The following STOX2 variants were observed in gnomAD, a reference collection of about 807,000 sequenced individuals.
STOX2 encodes storkhead-box protein 2.
Under a neutral mutation model 60.9 loss-of-function variants are expected in STOX2, and 28 were observed. That is an observed-to-expected ratio of 0.46 (90% confidence interval 0.34 to 0.63). STOX2 has a LOEUF of 0.63. Among genes scored for constraint, STOX2 ranks in the 30% least tolerant of loss-of-function variants. The probability of loss-of-function intolerance (pLI) is 0.01; values close to 1 mark genes in which losing one functional copy is unlikely to be tolerated. For synonymous variants in STOX2, 472 were observed against 463.9 expected, an observed-to-expected ratio of 1.02 and a Z score of -0.22; for missense variants, 1,024 against 1,187.7, an observed-to-expected ratio of 0.86 and a Z score of 2.03.
intron 2 of STOX2, among the ~76,000 whole-genome samples, chr4:184,003,685 C>T (rs916784030): frequency 6.6e-5 from 10 of 152,212 alleles, no homozygotes; most frequent in African/African-American, 2.2e-4. Flanking sequence ...TCTTTGGCTC[C>T]TTATGCGATA....
chr4:184,010,395 C>A lies in STOX2; in HGVS notation c.1557C>A (p.Asp519Glu). ...ACCTTGCTGAAGGCTGCAGCCAAGA[C>A]GACCAGACCCCCAGCCAATCCTACA... is the stretch of plus-strand genomic sequence containing the variant. ...PEDLAEGCSQ[D>E]DQTPSQSYID... The change falls in exon 3 of 4, where the codon GAC becomes GAA. Residue 519 changes from aspartate to glutamate, a missense_variant. Physicochemically the swap from Asp to Glu is conservative, Grantham distance 45. Around this residue, in one of 3 missense-constraint regions of STOX2, gnomAD observed 922 missense variants for 1,058.3 expected, o/e 0.87. Coordinates refer to ENST00000308497, the MANE Select transcript of STOX2 (RefSeq NM_020225.3). This position sits in a 1 kb window ranked among gnomAD's most constrained non-coding sequence, Gnocchi z 4.5. 1 of 1,613,488 alleles carries A rather than the reference C, an allele frequency of 6.2e-7. No homozygotes were observed. Among genetic ancestry groups the A allele is most frequent in the Non-Finnish European group, 8.5e-7 (1 of 1,179,710 alleles).
chr4:183,895,108 A>G (rs577364151), intron 1 of STOX2, among the ~76,000 whole-genome samples: 1 of 152,334 alleles, frequency 6.6e-6, no homozygotes, highest in South Asian at 2.1e-4. Flanking sequence ...TAGGATGTCA[A>G]GAATGGAATG....
rs2111101617 is a variant in STOX2 at position 183,921,174 on chromosome 4, AT to A, written c.166+14219del. 2.0e-5 allele frequency among the ~76,000 whole-genome samples: 3 copies of A among 152,356 alleles called. No homozygotes were observed. The South Asian group carries it at 6.2e-4, about 32-fold the overall frequency. On this transcript the variant is annotated intron_variant, in intron 1 of 3. Transcript: ENST00000308497. ...AGGATAGCAGTAGGCTAGGATCCAAATAATTGAACAATTTGACAGTACCTGG... is the reference window on the plus strand; with the variant it reads ...AGGATAGCAGTAGGCTAGGATCCAAAAATTGAACAATTTGACAGTACCTGG...
intron 3 of STOX2, chr4:184,014,721 GA>G: frequency 6.6e-6 from 1 of 152,062 alleles, no homozygotes; most frequent in Non-Finnish European, 1.5e-5. Context: ...CAACAATAAT[GA>G]AATACATTCT....
In STOX2 at chr4:184,017,436, A is replaced by G; in HGVS notation, c.*152A>G. 3 of 687,172 alleles carry G rather than the reference A, an allele frequency of 4.4e-6. No individual in the cohort carries two copies. The highest frequency in any genetic ancestry group is 3.3e-5 in the Admixed American group (1 of 29,956). 42.6% of individuals were successfully genotyped at this position (687,172 alleles called of 1,614,324 possible). On this transcript the variant is annotated 3_prime_UTR_variant, in exon 4 of 4. Coordinates refer to ENST00000308497, the MANE Select transcript of STOX2 (RefSeq NM_020225.3). ...TGCTAAGTAGGGCTAGGGCAAAAAA[A>G]CAAAAAATCTTTATTTCAGAGTATT...
chr4:183,878,525 G>A (rs575802197), intron 1 of STOX2, among the ~76,000 whole-genome samples: 114 of 152,262 alleles, frequency 7.5e-4, no homozygotes, highest in Middle Eastern at 3.4e-3. Context: ...TTTGGAATTA[G>A]AATTACAGAC....
intron 1 of STOX2, among the ~76,000 whole-genome samples, chr4:183,952,390 G>T (rs1202768608): frequency 6.6e-6 from 1 of 152,158 alleles, no homozygotes; most frequent in African/African-American, 2.4e-5. Flanking sequence ...TGAATTATTT[G>T]AACTCAACTA....
At chr4:183,902,292 C>T (rs1475295968), upstream of STOX2, among the ~76,000 whole-genome samples, 4 of 152,146 alleles carry the variant, frequency 2.6e-5, no homozygotes, top group Non-Finnish European at 2.9e-5. Context: ...GTATACCTTT[C>T]AATTTAAGAT....
At position 184,006,908 on chromosome 4, in the gene STOX2, T is replaced by C. The variant is rs377026461; in HGVS notation, c.320-2250T>C. Reference sequence around the variant, plus strand: ...GCGGGCGCCTGTAGTCCCAGCTACTTGGGAGGCTGAGGCAGGAGAATGGCG... The same window carrying C: ...GCGGGCGCCTGTAGTCCCAGCTACTCGGGAGGCTGAGGCAGGAGAATGGCG... On this transcript the variant is annotated intron_variant, in intron 2 of 3. Transcript: ENST00000308497. 5.4e-3 allele frequency among the ~76,000 whole-genome samples: 781 copies of C among 143,712 alleles called. 6 individuals carry two copies. Among genetic ancestry groups the C allele is most frequent in the Admixed American group, 0.016 (234 of 14,308 alleles). The allele number at this position is 143,712 out of a possible 152,430, so 94.3% of individuals were successfully genotyped here.
rs574351142 is a variant in STOX2, at chr4:183,874,799, G to A, written c.364+76744G>A. ...AAATTAGCCGGGCGAGCTGGCAGGC[G>A]CCTGTAGTCCCAGCTACGCGGGAGG... On this transcript the variant is annotated intron_variant, in intron 1 of 2. Coordinates refer to the STOX2 transcript ENST00000513034. Among the ~76,000 whole-genome samples the A allele has an allele frequency of 1.3e-3, 191 of 150,286 alleles. 2 individuals are homozygous for A. The highest frequency in any genetic ancestry group is 4.5e-3 in the African/African-American group (187 of 41,106).
intron 1 of STOX2, among the ~76,000 whole-genome samples, chr4:183,826,914 G>C (rs974076913): frequency 6.6e-6 from 1 of 152,162 alleles, no homozygotes; most frequent in African/African-American, 2.4e-5. Flanking sequence ...TAGTAGTAGC[G>C]GTAATGGTAA....
chr4:184,008,196 C>T (rs911435841), intron 2 of STOX2, among the ~76,000 whole-genome samples: 1 of 152,214 alleles, frequency 6.6e-6, no homozygotes, highest in African/African-American at 2.4e-5. Context: ...CTTTATGTGC[C>T]TGGCATTGAG....
intron 1 of STOX2, among the ~76,000 whole-genome samples, chr4:183,990,090 A>C (rs954857408): frequency 2.0e-5 from 3 of 152,226 alleles, no homozygotes; most frequent in Admixed American, 2.0e-4. Flanking sequence ...TTCTTTCTGC[A>C]TAGCAGTTTG....
chr4:184,009,136 G>GTTTTTTTT lies in STOX2; in HGVS notation c.320-11_320-4dup. The GTTTTTTTT allele has an allele frequency of 4.2e-6, 3 of 716,352 alleles. No individual in the cohort carries two copies. Among genetic ancestry groups the GTTTTTTTT allele is most frequent in the South Asian group, 2.2e-5 (1 of 45,892 alleles). 44.4% of individuals were successfully genotyped at this position (716,352 alleles called of 1,614,324 possible). ...TGTTCTGTCTTCATTCTCACAAGTG[G>GTTTTTTTT]TTTTTTTTTTTTTTTTTTCAGGTGT... On this transcript the variant is annotated intron_variant, in intron 2 of 3. Transcript: ENST00000308497. The surrounding 1 kb of genome is among the most constrained non-coding windows in gnomAD (Gnocchi z 4.0).
At chr4:183,961,021 T>C (rs1270936705) in intron 1 of STOX2, among the ~76,000 whole-genome samples, 1 of 152,186 alleles carries the variant, frequency 6.6e-6, no homozygotes, top group Non-Finnish European at 1.5e-5. Context: ...CCTGGTTCTC[T>C]GTGACACAGC....
intron 1 of STOX2, among the ~76,000 whole-genome samples, chr4:183,957,940 G>T (rs771972143): frequency 2.0e-5 from 3 of 151,544 alleles, no homozygotes; most frequent in African/African-American, 7.3e-5. Flanking sequence ...TGGTAGAATG[G>T]TATTTAGAAC....
rs752691908 is a variant in STOX2, at chr4:184,011,012, A to C, written c.2174A>C (p.Lys725Thr). 1.2e-6 allele frequency: 2 copies of C among 1,613,480 alleles called. No homozygotes were observed. The highest frequency in any genetic ancestry group is 3.3e-5 in the Admixed American group (2 of 59,986). ...CACAAGTCGAGCCTGTCCCTCCTCA[A>C]ATCTCACCCGAAGACACCTGCTGAC... ...SYHKSSLSLL[K>T]SHPKTPADTL... Residue 725 changes from lysine to threonine, a missense_variant, in exon 3 of 4, where the codon AAA (lysine) becomes ACA (threonine). Lys to Thr is a moderately conservative substitution (Grantham distance 78). Transcript: ENST00000308497. This position sits in a 1 kb window ranked among gnomAD's most constrained non-coding sequence, Gnocchi z 4.4.
At chr4:183,872,668 A>T (rs945371064) in intron 1 of STOX2, among the ~76,000 whole-genome samples, 1 of 152,216 alleles carries the variant, frequency 6.6e-6, no homozygotes, top group Admixed American at 6.5e-5. Context: ...GAAGCATATG[A>T]CATAGCTGTT....
intron 1 of STOX2, among the ~76,000 whole-genome samples, chr4:183,867,583 A>G (rs1740599671): frequency 6.6e-6 from 1 of 152,204 alleles, no homozygotes; most frequent in Non-Finnish European, 1.5e-5. Context: ...ATCCTGCTTT[A>G]CCGTGGGACA....
Sources: allele counts gnomAD v4.1 joint callset (sites outside exome capture counted in the v4.1 genomes callset), GRCh38; gene constraint gnomAD v4.1.1; regional missense constraint gnomAD v4.1.1; non-coding constraint Gnocchi (gnomAD v3.1); transcripts MANE v1.5; gene names NCBI Gene and HGNC (gene_info 2026-07-23, HGNC 2026-07-21).